The following MACROD1 variants were observed in gnomAD, a reference collection of about 807,000 sequenced individuals.
MACROD1 encodes the protein mono-ADP ribosylhydrolase 1.
A neutral mutation model predicts 41.4 loss-of-function variants in MACROD1; 31 were observed. The observed-to-expected ratio is 0.75, with a 90% CI of 0.56 to 1.01. The LOEUF is 1.01. Among genes scored for constraint, MACROD1 ranks in the 50% least tolerant of loss-of-function variants. The pLI is 0.00. For synonymous variants in MACROD1, 252 were observed against 203.4 expected (o/e 1.24, Z -2.03); for missense variants, 473 against 460.0 (o/e 1.03, Z -0.26).
chr11:64,118,960 T>C (rs1218460390), intron 3 of MACROD1: 2 of 166,828 alleles, frequency 1.2e-5, no homozygotes, highest in Admixed American at 1.3e-4. Flanking sequence ...TTTCCTAGGC[T>C]GAAGCCCTCT....
Position 64,000,088 on chromosome 11 carries a change from C to G in MACROD1, c.664+139G>C. 3 of 678,108 alleles carry G rather than the reference C, an allele frequency of 4.4e-6. No individual in the cohort carries two copies. In the South Asian group the frequency reaches 5.7e-5, roughly 13 times the overall value. 42.0% of individuals were successfully genotyped at this position (678,108 alleles called of 1,614,324 possible). A position where few individuals can be genotyped will look rare whatever the true frequency, so the allele number is the denominator to read the frequency against. ...CTTCCTGGGGTGTGCGGGGTGGGGG[C>G]CGGGTCTTGGCCCTTAAGGTTAAGA... On this transcript the variant is annotated intron_variant, in intron 5 of 10. Coordinates refer to ENST00000255681, the MANE Select transcript of MACROD1 (RefSeq NM_014067.4).
At position 64,019,512 on chromosome 11, in the gene MACROD1, G is replaced by A. The variant is rs1054081610; in HGVS notation, c.518-4231C>T. Among the ~76,000 whole-genome samples the A allele has an allele frequency of 1.3e-4, 20 of 152,240 alleles. No homozygotes were observed. In the South Asian group the frequency reaches 2.5e-3, roughly 19 times the overall value. On this transcript the variant is annotated intron_variant, in intron 3 of 10. Transcript: ENST00000255681. ...CCTAGTTAGAGGCTAGCAGGTGGCC[G>A]CTGTCCAGCGAAAGGGAGAGGGCCA...
At chr11:64,151,486 C>T in intron 2 of MACROD1, 131 bp from the exon 3 acceptor site, 1 of 658,390 alleles carries the variant, frequency 1.5e-6, no homozygotes, top group Non-Finnish European at 2.7e-6. Context: ...AGCACGATGA[C>T]TGCTGACCCA....
intron 3 of MACROD1, chr11:64,117,175 A>G: frequency 1.2e-6 from 2 of 1,614,052 alleles, no homozygotes; most frequent in Non-Finnish European, 1.7e-6. Context: ...GACCTGTCCA[A>G]CAACAACCTG....
At chr11:64,084,071 G>C (rs1301625763) in intron 3 of MACROD1, among the ~76,000 whole-genome samples, 1 of 152,206 alleles carries the variant, frequency 6.6e-6, no homozygotes, top group African/African-American at 2.4e-5. Context: ...TTTCCATAGT[G>C]TGTCCCTGCC....
At chr11:64,114,582 T>C (rs1480986754) in intron 3 of MACROD1, among the ~76,000 whole-genome samples, 1 of 145,248 alleles carries the variant, frequency 6.9e-6, no homozygotes, top group Non-Finnish European at 1.5e-5. Flanking sequence ...GACAGGTAGA[T>C]GCATGATGGA....
intron 3 of MACROD1, among the ~76,000 whole-genome samples, chr11:64,042,303 C>T (rs552542491): frequency 4.6e-5 from 7 of 152,152 alleles, no homozygotes; most frequent in South Asian, 2.1e-4. Context: ...GAAGCTGCCA[C>T]GAGGAAGGGG....
At chr11:64,000,364 A>G in intron 4 of MACROD1, 21 bp from the exon 5 acceptor site, 5 of 1,516,466 alleles carry the variant, frequency 3.3e-6, no homozygotes, top group Non-Finnish European at 4.4e-6. Context: ...GGCGGGCGCG[A>G]CTGAGCTGGC....
intron 3 of MACROD1, among the ~76,000 whole-genome samples, chr11:64,018,609 G>A (rs531509896): frequency 1.1e-4 from 16 of 152,314 alleles, no homozygotes; most frequent in African/African-American, 3.8e-4. Flanking sequence ...CAACATCTTG[G>A]CCTGTGGCCG....
chr11:64,005,777 G>A (rs1251932826), intron 4 of MACROD1, among the ~76,000 whole-genome samples: 1 of 152,240 alleles, frequency 6.6e-6, no homozygotes, highest in African/African-American at 2.4e-5. Flanking sequence ...GGGACTGGCT[G>A]CACTGCCAGG....
chr11:64,047,965 C>T (rs1238143919), intron 3 of MACROD1, among the ~76,000 whole-genome samples: 1 of 151,962 alleles, frequency 6.6e-6, no homozygotes, highest in Non-Finnish European at 1.5e-5. Context: ...CTTCCTGGGA[C>T]CCTGATGGTG....
At chr11:64,046,343 A>C (rs557747417) in intron 3 of MACROD1, among the ~76,000 whole-genome samples, 1 of 152,200 alleles carries the variant, frequency 6.6e-6, no homozygotes, top group Non-Finnish European at 1.5e-5. Flanking sequence ...GAGGAAACAG[A>C]GGCTTACAGA....
chr11:64,158,426 G>A (rs750966954), intron 1 of MACROD1, among the ~76,000 whole-genome samples: 2 of 151,990 alleles, frequency 1.3e-5, no homozygotes, highest in Non-Finnish European at 2.9e-5. Context: ...TTATTTTTAG[G>A]AGAGACAAGG....
At chr11:64,130,615 T>G (rs148584748) in intron 3 of MACROD1, among the ~76,000 whole-genome samples, 2,141 of 152,198 alleles carry the variant, frequency 0.014, 28 homozygotes, top group Non-Finnish European at 0.018. Flanking sequence ...GGCCCTGAAA[T>G]TCTGCCTCCG....
intron 3 of MACROD1, among the ~76,000 whole-genome samples, chr11:64,017,223 G>A (rs1207667613): frequency 1.3e-5 from 2 of 152,130 alleles, no homozygotes; most frequent in Non-Finnish European, 2.9e-5. Flanking sequence ...CACCCGCCAC[G>A]GCCTCCCAAA....
chr11:64,128,485 C>T (rs1945218407), intron 3 of MACROD1, among the ~76,000 whole-genome samples: 1 of 152,088 alleles, frequency 6.6e-6, no homozygotes, highest in Non-Finnish European at 1.5e-5. Flanking sequence ...AACCAGATTT[C>T]CACAGAGGAC....
Position 63,998,861 on chromosome 11 carries a change from G to T in MACROD1, c.*7C>A. 1 of 1,591,590 alleles carries T rather than the reference G, an allele frequency of 6.3e-7. No homozygotes were observed. ...ACCAGTCCCGGTCAGGGTGGGCTGC[G>T]GGAGCCTCAGGCTGGAAGGCAGAGG... On this transcript the variant is annotated 3_prime_UTR_variant, in exon 10 of 11. Transcript: ENST00000255681.
intron 4 of MACROD1, among the ~76,000 whole-genome samples, chr11:64,007,015 T>C (rs12291575): frequency 0.16 from 24,341 of 152,024 alleles, 4,548 homozygotes; most frequent in African/African-American, 0.45. Flanking sequence ...AGGGCACGCA[T>C]CCCCTGTCAT....
intron 3 of MACROD1, among the ~76,000 whole-genome samples, chr11:64,124,548 C>T (rs1030658014): frequency 6.6e-6 from 1 of 152,236 alleles, no homozygotes; most frequent in Admixed American, 6.5e-5. Flanking sequence ...TCTTCCCCCT[C>T]CCTCGGCATT....
Sources: allele counts gnomAD v4.1 joint callset (sites outside exome capture counted in the v4.1 genomes callset), GRCh38; gene constraint gnomAD v4.1.1; transcripts MANE v1.5; gene names NCBI Gene and HGNC (gene_info 2026-07-23, HGNC 2026-07-21).